The following TDRD1 variants were observed in gnomAD, a reference collection of about 807,000 sequenced individuals.
TDRD1 encodes tudor domain containing 1.
TDRD1 carries 37 observed loss-of-function variants against 140.6 expected under a neutral mutation model. The ratio of observed to expected loss-of-function variants is 0.26; its 90% CI spans 0.20 to 0.35. The LOEUF (loss-of-function observed/expected upper bound fraction) is 0.35, where lower values mean the gene tolerates loss of function less well. TDRD1 is among the 10% of genes least tolerant of loss of function. The pLI is 1.00. For missense variants in TDRD1, 1,243 were observed against 1,393.0 expected (o/e 0.89, Z 1.71); for synonymous variants, 506 against 475.7 (o/e 1.06, Z -0.83).
intron 20 of TDRD1, 104 bp downstream of exon 20, chr10:114,221,580 A>T: frequency 8.6e-7 from 1 of 1,156,314 alleles, no homozygotes. Flanking sequence ...AAAGAGGCTC[A>T]CTGTTTTAAG....
chr10:114,223,738 T>C, intron 21 of TDRD1, among the ~76,000 whole-genome samples: 1 of 134,830 alleles, frequency 7.4e-6, no homozygotes, highest in South Asian at 2.4e-4. Flanking sequence ...ACCTTCTCTT[T>C]TGCCACTTTT....
At chr10:114,208,601 T>C (rs1179255030) in intron 11 of TDRD1, among the ~76,000 whole-genome samples, 1 of 152,160 alleles carries the variant, frequency 6.6e-6, no homozygotes, top group African/African-American at 2.4e-5. Context: ...ATTATGATTG[T>C]GCACCCTCTT....
intron 17 of TDRD1, 21 bp from the exon 18 acceptor site, chr10:114,218,393 C>T (rs776981468): frequency 6.7e-7 from 1 of 1,487,960 alleles, no homozygotes; most frequent in Non-Finnish European, 9.0e-7. Context: ...TTCCATGTCA[C>T]AAACTGTGTG....
chr10:114,227,089 G>A, exon 23 of TDRD1: 1 of 1,547,496 alleles, frequency 6.5e-7, no homozygotes, highest in African/African-American at 1.4e-5. Context: ...GGAATTGAAT[G>A]GAAGCTCTTC....
chr10:114,198,473 C>T (rs772351258), intron 3 of TDRD1, among the ~76,000 whole-genome samples: 6 of 152,172 alleles, frequency 3.9e-5, no homozygotes, highest in Non-Finnish European at 7.3e-5. Flanking sequence ...GGTTGGGGCA[C>T]CTCATTTGTA....
Position 114,228,304 on chromosome 10 carries a change from G to A in TDRD1, c.3538+179G>A, listed in dbSNP as rs1021230793. On this transcript the variant is annotated intron_variant, in intron 25 of 25. Transcript: ENST00000251864. Reference sequence around the variant, plus strand: ...GCTGTTTTTGTAGGTTTATCTGATCGTTTTCCTTTGCTACTGCTAATGGAA... The same window carrying A: ...GCTGTTTTTGTAGGTTTATCTGATCATTTTCCTTTGCTACTGCTAATGGAA... 31 of 1,376,208 alleles carry A rather than the reference G, an allele frequency of 2.3e-5. No individual in the cohort carries two copies. The Admixed American group carries it at 6.1e-4, about 27-fold the overall frequency. 85.2% of individuals were successfully genotyped at this position (1,376,208 alleles called of 1,614,324 possible).
intron 21 of TDRD1, among the ~76,000 whole-genome samples, chr10:114,223,449 AC>A (rs1330241851): frequency 6.6e-6 from 1 of 152,008 alleles, no homozygotes; most frequent in East Asian, 1.9e-4. Flanking sequence ...GCGTTTCAAA[AC>A]CCCCCATCTG....
At position 114,192,292 on chromosome 10, in the gene TDRD1, C is replaced by CTTTT. The variant is rs938140798; in HGVS notation, c.384+1299_384+1302dup. ...TCCCCAAAAAAGTTTGATAGTTTTC[C>CTTTT]TTTTTTTTTTTTTTTTTTTTTTTTT... On this transcript the variant is annotated intron_variant, in intron 3 of 25. Transcript: ENST00000251864. Among the ~76,000 whole-genome samples, 524 of 75,102 alleles carry CTTTT rather than the reference C, an allele frequency of 7.0e-3. 63 individuals are homozygous for CTTTT. Among genetic ancestry groups the CTTTT allele is most frequent in the Middle Eastern group, 0.017 (2 of 120 alleles). The allele number at this position is 75,102 out of a possible 152,430, so 49.3% of individuals were successfully genotyped here.
At chr10:114,205,397 A>G (rs2035033806) in intron 10 of TDRD1, among the ~76,000 whole-genome samples, 1 of 152,190 alleles carries the variant, frequency 6.6e-6, no homozygotes, top group African/African-American at 2.4e-5. Context: ...CTCTGCTTTC[A>G]GAGATCTGGC....
intron 4 of TDRD1, 27 bp from the exon 5 acceptor site, chr10:114,201,383 A>T (rs1424161580): frequency 2.5e-6 from 4 of 1,572,232 alleles, no homozygotes; most frequent in Non-Finnish European, 3.5e-6. Flanking sequence ...TCTTCATCTG[A>T]ACTATTTTGT....
intron 3 of TDRD1, among the ~76,000 whole-genome samples, chr10:114,195,860 A>G (rs2034307594): frequency 6.6e-6 from 1 of 152,062 alleles, no homozygotes; most frequent in East Asian, 1.9e-4. Flanking sequence ...GAATACTTTC[A>G]GTAATTTTGA....
chr10:114,186,440 A>G (rs546078696), intron 1 of TDRD1, among the ~76,000 whole-genome samples: 7 of 151,892 alleles, frequency 4.6e-5, no homozygotes, highest in African/African-American at 1.7e-4. Context: ...ATTTTTTTGT[A>G]TTTTTAGTAG....
At chr10:114,193,289 C>CTTTTTTTTTTTTTTTTTTTTTT (rs1170053036) in intron 3 of TDRD1, among the ~76,000 whole-genome samples, 3 of 83,684 alleles carry the variant, frequency 3.6e-5, no homozygotes, top group African/African-American at 5.1e-5. Flanking sequence ...TTGCTGAAGT[C>CTTTTTTTTTTTTTTTTTTTTTT]TTTTTTTTTT....
chr10:114,201,812 A>G (rs1253385279), intron 5 of TDRD1, among the ~76,000 whole-genome samples: 2 of 152,090 alleles, frequency 1.3e-5, no homozygotes, highest in Non-Finnish European at 2.9e-5. Flanking sequence ...TAAGTTTGGA[A>G]CTCTTACATG....
At chr10:114,197,740 C>T (rs966043586) in intron 3 of TDRD1, among the ~76,000 whole-genome samples, 1 of 151,586 alleles carries the variant, frequency 6.6e-6, no homozygotes, top group African/African-American at 2.4e-5. Context: ...TCACTGCAAC[C>T]TCCGCCTCCT....
At chr10:114,182,930 C>T (rs11196649) in intron 1 of TDRD1, among the ~76,000 whole-genome samples, 8,873 of 152,078 alleles carry the variant, frequency 0.058, 326 homozygotes, top group Non-Finnish European at 0.08. Context: ...GTGATCCGCC[C>T]GCCTCAGCCT....
At chr10:114,206,617 T>G (rs1005457650) in intron 11 of TDRD1, among the ~76,000 whole-genome samples, 13 of 149,834 alleles carry the variant, frequency 8.7e-5, no homozygotes, top group Admixed American at 2.0e-4. Context: ...GTTTGTTTTT[T>G]TTTTTTTTTT....
Position 114,204,703 on chromosome 10 carries a change from C to G in TDRD1, c.1126-19C>G. 3.2e-6 allele frequency: 5 copies of G among 1,563,644 alleles called. No individual in the cohort carries two copies. The highest frequency in any genetic ancestry group is 4.3e-6 in the Non-Finnish European group (5 of 1,165,118). ...TTTAAATGGTAATTTTTGTAAGTAA[C>G]CTGCGTAAAATTTTTCAGGCCATAA... On this transcript the variant is annotated intron_variant, in intron 9 of 25. Coordinates refer to ENST00000251864, the Ensembl canonical transcript of TDRD1.
upstream of TDRD1, among the ~76,000 whole-genome samples, chr10:114,177,864 C>T (rs1258640309): frequency 7.1e-6 from 1 of 140,010 alleles, no homozygotes; most frequent in Non-Finnish European, 1.5e-5. Flanking sequence ...GACAGTCTTG[C>T]TCTGTTGCCC....
Sources: allele counts gnomAD v4.1 joint callset (sites outside exome capture counted in the v4.1 genomes callset), GRCh38; gene constraint gnomAD v4.1.1; transcripts MANE v1.5; gene names NCBI Gene and HGNC (gene_info 2026-07-23, HGNC 2026-07-21).